RBFOX1: variants seen among roughly 807,000 people sequenced by gnomAD.
RBFOX1 encodes the protein RNA binding fox-1 homolog 1.
A neutral mutation model predicts 57.7 loss-of-function variants in RBFOX1; 8 were observed. That is an observed-to-expected ratio of 0.14 (90% CI 0.08 to 0.25). RBFOX1 has a LOEUF of 0.25. Ranked by LOEUF, RBFOX1 falls within the 10% of genes least tolerant of loss-of-function variation. The pLI is 1.00. For synonymous variants in RBFOX1, 326 were observed against 222.4 expected (o/e 1.47, Z -4.15); for missense variants, 611 against 548.5 (o/e 1.11, Z -1.14).
At chr16:6,966,678 G>T (rs1208237099) in intron 3 of RBFOX1, among the ~76,000 whole-genome samples, 1 of 152,146 alleles carries the variant, frequency 6.6e-6, no homozygotes, top group Non-Finnish European at 1.5e-5. Flanking sequence ...AGTGCAAGCT[G>T]GGCTGAAGTG....
chr16:6,088,123 C>T (rs567807219), intron 1 of RBFOX1, among the ~76,000 whole-genome samples: 56 of 152,310 alleles, frequency 3.7e-4, no homozygotes, highest in African/African-American at 1.3e-3. Context: ...ACCTCATCAT[C>T]TGTAACGGTG....
chr16:6,802,412 C>T (rs943818213), intron 3 of RBFOX1, among the ~76,000 whole-genome samples: 2 of 152,140 alleles, frequency 1.3e-5, no homozygotes, highest in African/African-American at 2.4e-5. Context: ...CGCAGTGGCT[C>T]ATGCCTATAA....
chr16:5,820,563 C>T (rs1025303826), intron 3 of RBFOX1, among the ~76,000 whole-genome samples: 1 of 152,188 alleles, frequency 6.6e-6, no homozygotes, highest in Non-Finnish European at 1.5e-5. Context: ...TTTCTTCCCC[C>T]ACCTGCTTTT....
intron 1 of RBFOX1, among the ~76,000 whole-genome samples, chr16:6,075,244 G>C (rs115136821): frequency 5.3e-5 from 8 of 152,186 alleles, no homozygotes; most frequent in Non-Finnish European, 8.8e-5. Flanking sequence ...CATTACCGAT[G>C]CATAAACTTT....
rs192220993 is a variant in RBFOX1, at chr16:6,794,156, C to T, written c.-16+139506C>T. On this transcript the variant is annotated intron_variant, in intron 3 of 15. Transcript: ENST00000550418. ...TCGCTCCTATGCTGGAAAGTGTTCC[C>T]TAAGTTCTTCCCATCACTACCTGGA... 4.6e-5 allele frequency among the ~76,000 whole-genome samples: 7 copies of T among 152,184 alleles called. No individual in the cohort carries two copies. The East Asian group carries it at 1.2e-3, about 25-fold the overall frequency.
At chr16:5,276,780 A>G (rs1216409763) in intron 1 of RBFOX1, among the ~76,000 whole-genome samples, 1 of 152,228 alleles carries the variant, frequency 6.6e-6, no homozygotes, top group Non-Finnish European at 1.5e-5. Flanking sequence ...CAAAACAACA[A>G]CAACAAAAAG....
intron 4 of RBFOX1, among the ~76,000 whole-genome samples, chr16:7,236,346 AG>A (rs921808053): frequency 2.0e-5 from 3 of 152,190 alleles, no homozygotes; most frequent in African/African-American, 7.2e-5. Context: ...GTATGCAAAA[AG>A]TAGAACATTT....
rs186926408 is a variant in RBFOX1, at chr16:6,146,496, A to G, written c.-127+126504A>G. Among the ~76,000 whole-genome samples the G allele has an allele frequency of 1.7e-3, 266 of 152,210 alleles. 1 individual carries two copies. Among genetic ancestry groups the G allele is most frequent in the African/African-American group, 5.8e-3 (241 of 41,526 alleles). ...CGTAGATGCTGGTAAAACCCCCTCT[A>G]GTTATGACAACCAAAGAGTGCCTTG... On this transcript the variant is annotated intron_variant, in intron 1 of 15. Coordinates refer to ENST00000550418, the MANE Select transcript of RBFOX1 (RefSeq NM_018723.4).
intron 1 of RBFOX1, among the ~76,000 whole-genome samples, chr16:5,275,726 C>T (rs772812271): frequency 6.6e-6 from 1 of 152,062 alleles, no homozygotes; most frequent in Non-Finnish European, 1.5e-5. Context: ...TCTGCATAGC[C>T]AAAGCAAAAC....
At chr16:5,704,587 C>A (rs561913118) in intron 3 of RBFOX1, among the ~76,000 whole-genome samples, 2 of 152,302 alleles carry the variant, frequency 1.3e-5, no homozygotes, top group East Asian at 1.9e-4. Flanking sequence ...GGTTTATTTA[C>A]CCCTCTTCCC....
At chr16:7,014,789 G>A (rs2093824658) in intron 3 of RBFOX1, among the ~76,000 whole-genome samples, 2 of 152,072 alleles carry the variant, frequency 1.3e-5, no homozygotes. Context: ...CAGTGGCACT[G>A]TCTCGGCTCA....
At chr16:6,647,826 C>A (rs551478077) in intron 2 of RBFOX1, among the ~76,000 whole-genome samples, 14 of 152,194 alleles carry the variant, frequency 9.2e-5, no homozygotes, top group Admixed American at 2.6e-4. Flanking sequence ...CCTTGACTGC[C>A]TAGGGATAAG....
intron 3 of RBFOX1, among the ~76,000 whole-genome samples, chr16:6,670,546 A>G (rs2098757682): frequency 6.6e-6 from 1 of 152,222 alleles, no homozygotes; most frequent in Non-Finnish European, 1.5e-5. Context: ...AAGAAAGCAT[A>G]AGTAGACTTA....
In RBFOX1 at chr16:7,374,805, A is replaced by G. The variant is rs138925980; in HGVS notation, c.28-143342A>G. On this transcript the variant is annotated intron_variant, in intron 4 of 15. Coordinates refer to ENST00000550418, the MANE Select transcript of RBFOX1 (RefSeq NM_018723.4). The stretch of plus-strand genomic sequence containing the variant: ...CTGGCAACCTAGAGTTACCGCCATG[A>G]GGTTTGGCCACCTTATCTCAAACAA... 4.1e-3 allele frequency among the ~76,000 whole-genome samples: 617 copies of G among 152,232 alleles called. 1 individual carries two copies. The highest frequency in any genetic ancestry group is 0.014 in the African/African-American group (593 of 41,530).
intron 2 of RBFOX1, among the ~76,000 whole-genome samples, chr16:5,497,750 C>T (rs769036726): frequency 4.6e-5 from 7 of 152,120 alleles, no homozygotes; most frequent in African/African-American, 1.2e-4. Context: ...CTCCACAGCA[C>T]TCCAGCCTGG....
chr16:6,892,165 C>T (rs1200130393), intron 3 of RBFOX1, among the ~76,000 whole-genome samples: 2 of 152,278 alleles, frequency 1.3e-5, no homozygotes, highest in East Asian at 1.9e-4. Context: ...CTTTGCACCC[C>T]TTCCCTTGGC....
At chr16:6,630,242 C>T (rs906195516) in intron 2 of RBFOX1, among the ~76,000 whole-genome samples, 5 of 152,136 alleles carry the variant, frequency 3.3e-5, no homozygotes, top group African/African-American at 4.8e-5. Flanking sequence ...GATGCTTCTT[C>T]ATCCTTCTTC....
intron 3 of RBFOX1, among the ~76,000 whole-genome samples, chr16:6,951,294 G>C (rs2080708998): frequency 6.6e-6 from 1 of 152,160 alleles, no homozygotes; most frequent in Admixed American, 6.5e-5. Context: ...GTCAGTTTCA[G>C]CTGTCTGTAG....
chr16:7,706,041 TGCTCTGTCTCCGGGCTGTGCTTAGCCA>T (rs1357850317), intron 14 of RBFOX1, among the ~76,000 whole-genome samples: 4 of 152,268 alleles, frequency 2.6e-5, no homozygotes, highest in African/African-American at 9.6e-5. Flanking sequence ...GGTATTGCTG[TGCTCTGTCTCCGGGCTGTGCTTAGCCA>T]GCTCTGAGGA....
Sources: gnomAD v4.1 joint callset for allele counts (sites outside exome capture counted in the v4.1 genomes callset) on GRCh38, gnomAD v4.1.1 for gene constraint, MANE v1.5 for transcripts, NCBI Gene and HGNC (gene_info 2026-07-23, HGNC 2026-07-21) for gene names.